Variants in CEP128 observed in about 807,000 individuals in gnomAD.
The protein encoded by CEP128 is centrosomal protein 128.
A neutral mutation model predicts 156.7 loss-of-function variants in CEP128; 132 were observed. The ratio of observed to expected loss-of-function variants is 0.84; its 90% CI spans 0.73 to 0.97. The LOEUF is 0.97. CEP128 is among the 50% of genes least tolerant of loss of function. CEP128 has a pLI of 0.00. For synonymous variants in CEP128, 469 were observed against 448.9 expected (o/e 1.04, Z -0.57); for missense variants, 1,252 against 1,281.9 (o/e 0.98, Z 0.36).
chr14:80,751,509 A>G (rs1356592830), intron 18 of CEP128, among the ~76,000 whole-genome samples: 3 of 152,230 alleles, frequency 2.0e-5, no homozygotes, highest in South Asian at 2.1e-4. Context: ...TCACAGAGCA[A>G]AAACCATTCT....
At chr14:80,798,657 TAG>T (rs1358211113) in intron 13 of CEP128, among the ~76,000 whole-genome samples, 3 of 152,218 alleles carry the variant, frequency 2.0e-5, no homozygotes, top group Admixed American at 2.0e-4. Context: ...TATTTCAGCG[TAG>T]AAAACTACTT....
At chr14:80,523,458 G>C (rs1419778683) in intron 23 of CEP128, among the ~76,000 whole-genome samples, 2 of 152,106 alleles carry the variant, frequency 1.3e-5, no homozygotes, top group Non-Finnish European at 2.9e-5. Context: ...TTGTATGAAG[G>C]ATTTAAATTC....
chr14:80,638,637 T>G (rs1349877481), intron 19 of CEP128, among the ~76,000 whole-genome samples: 2 of 152,200 alleles, frequency 1.3e-5, no homozygotes. Flanking sequence ...ACGATGTCTT[T>G]TACCCTTCTA....
At chr14:80,816,220 T>G (rs1477618477) in intron 13 of CEP128, among the ~76,000 whole-genome samples, 5 of 152,194 alleles carry the variant, frequency 3.3e-5, no homozygotes, top group African/African-American at 1.2e-4. Context: ...CCAACTCAGT[T>G]GTCTGAATCT....
intron 19 of CEP128, among the ~76,000 whole-genome samples, chr14:80,632,324 C>G (rs941496689): frequency 1.1e-4 from 16 of 150,360 alleles, no homozygotes; most frequent in Non-Finnish European, 1.8e-4. Flanking sequence ...CAACATAATA[C>G]TATTGAGACT....
chr14:80,898,720 T>G (rs899676776), intron 7 of CEP128, among the ~76,000 whole-genome samples: 1 of 152,232 alleles, frequency 6.6e-6, no homozygotes, highest in African/African-American at 2.4e-5. Flanking sequence ...TTGTTAATTT[T>G]ATCAGCTTGT....
intron 13 of CEP128, among the ~76,000 whole-genome samples, chr14:80,802,528 G>C (rs993092869): frequency 1.2e-4 from 18 of 148,908 alleles, no homozygotes; most frequent in Non-Finnish European, 3.0e-5. Context: ...CACACACCAG[G>C]GGGGCCTGTT....
chr14:80,904,960 T>A (rs780515915), intron 5 of CEP128, 29 bp from the exon 6 acceptor site: 1 of 1,221,084 alleles, frequency 8.2e-7, no homozygotes, highest in Non-Finnish European at 1.2e-6. Flanking sequence ...AGGGAAGGTA[T>A]TAAAATACTG....
intron 19 of CEP128, among the ~76,000 whole-genome samples, chr14:80,702,973 T>G (rs1041041206): frequency 5.3e-5 from 8 of 151,612 alleles, no homozygotes; most frequent in African/African-American, 1.9e-4. Flanking sequence ...ATAAAAAGAT[T>G]ATGTATGTAT....
chr14:80,620,978 G>A (rs1163105798), intron 19 of CEP128, among the ~76,000 whole-genome samples: 2 of 152,108 alleles, frequency 1.3e-5, no homozygotes, highest in African/African-American at 4.8e-5. Flanking sequence ...AACACACACA[G>A]CATGATATAT....
chr14:80,554,466 G>A (rs946898039), intron 21 of CEP128, among the ~76,000 whole-genome samples: 1 of 152,076 alleles, frequency 6.6e-6, no homozygotes, highest in Admixed American at 6.5e-5. Context: ...ACATTCGGTA[G>A]AACTTATGTA....
At chr14:80,772,479 C>T (rs1900564148) in intron 16 of CEP128, among the ~76,000 whole-genome samples, 1 of 152,142 alleles carries the variant, frequency 6.6e-6, no homozygotes, top group Admixed American at 6.5e-5. Context: ...TCAATAAAAC[C>T]GTGCATTCAT....
intron 19 of CEP128, among the ~76,000 whole-genome samples, chr14:80,679,775 G>T (rs1231797036): frequency 8.4e-6 from 1 of 119,262 alleles, no homozygotes; most frequent in Middle Eastern, 4.3e-3. Context: ...ACTACTCCCT[G>T]TTTACACCCC....
rs546704515 is a variant in CEP128, at chr14:80,814,564, ATG to A, written c.1209+16577_1209+16578del. ...GTCCTAAGGGCCAGGGCAAACAAAA[ATG>A]TATTTATTCCATTACCTCTCACCAT... On this transcript the variant is annotated intron_variant, in intron 13 of 24. Transcript: ENST00000555265. 1.2e-4 allele frequency among the ~76,000 whole-genome samples: 18 copies of A among 152,310 alleles called. No homozygotes were observed. In the South Asian group the frequency reaches 3.7e-3, roughly 32 times the overall value.
intron 13 of CEP128, chr14:80,830,332 T>G (rs1885723107): frequency 4.2e-6 from 2 of 476,860 alleles, no homozygotes; most frequent in Admixed American, 7.7e-5. Flanking sequence ...AATATTTCCT[T>G]TGGGTTATAT....
chr14:80,539,236 G>A (rs1377343488), intron 21 of CEP128, among the ~76,000 whole-genome samples: 1 of 152,210 alleles, frequency 6.6e-6, no homozygotes, highest in African/African-American at 2.4e-5. Context: ...GTAAAGCAGG[G>A]TAAAGTGGTA....
chr14:80,843,518 T>G (rs1409614788), intron 9 of CEP128, among the ~76,000 whole-genome samples: 1 of 151,982 alleles, frequency 6.6e-6, no homozygotes, highest in Non-Finnish European at 1.5e-5. Context: ...CAAATCAGAT[T>G]TTTTTTCCAG....
chr14:80,508,883 A>G (rs1888111978), intron 23 of CEP128, among the ~76,000 whole-genome samples: 1 of 152,226 alleles, frequency 6.6e-6, no homozygotes, highest in Non-Finnish European at 1.5e-5. Context: ...ACACTGTGAT[A>G]AAGAACTACT....
At chr14:80,534,793 C>G (rs995518214) in intron 21 of CEP128, among the ~76,000 whole-genome samples, 1 of 138,136 alleles carries the variant, frequency 7.2e-6, no homozygotes, top group African/African-American at 2.8e-5. Context: ...CCACTGCACT[C>G]CAGCCTGGGC....
Sources: allele counts gnomAD v4.1 joint callset (sites outside exome capture counted in the v4.1 genomes callset), GRCh38; gene constraint gnomAD v4.1.1; transcripts MANE v1.5; gene names NCBI Gene and HGNC (gene_info 2026-07-23, HGNC 2026-07-21).